Variants in EAF2 observed in about 807,000 individuals in gnomAD.
EAF2 encodes ELL associated factor 2.
EAF2 carries 29 observed loss-of-function variants against 29.4 expected under a neutral mutation model. The ratio of observed to expected loss-of-function variants is 0.99; its 90% confidence interval spans 0.73 to 1.35. The LOEUF is 1.35. Ranked by LOEUF, EAF2 falls within the 40% of genes most tolerant of loss-of-function variation. EAF2 has a pLI of 0.00. For synonymous variants in EAF2, 103 were observed against 102.5 expected, an observed-to-expected ratio of 1.00 and a Z score of -0.03; for missense variants, 292 against 312.0, an observed-to-expected ratio of 0.94 and a Z score of 0.48.
At chr3:121,884,647 A>C (rs567312709) in intron 5 of EAF2, among the ~76,000 whole-genome samples, 31 of 151,904 alleles carry the variant, frequency 2.0e-4, no homozygotes, top group African/African-American at 7.5e-4. Context: ...GGATGGTCTC[A>C]ATCTCTTGAC....
chr3:121,882,540 A>G (rs1709205488), intron 5 of EAF2, among the ~76,000 whole-genome samples: 1 of 151,998 alleles, frequency 6.6e-6, no homozygotes, highest in Non-Finnish European at 1.5e-5. Context: ...TCTGTTGAGC[A>G]CTCTATTGAA....
intron 4 of EAF2, among the ~76,000 whole-genome samples, chr3:121,869,037 A>G (rs1161693188): frequency 6.6e-6 from 1 of 152,238 alleles, no homozygotes; most frequent in Non-Finnish European, 1.5e-5. Context: ...ACCATAATGG[A>G]TTCAAACTAA....
chr3:121,881,470 C>G (rs922670355), intron 5 of EAF2, among the ~76,000 whole-genome samples: 1 of 151,900 alleles, frequency 6.6e-6, no homozygotes, highest in Non-Finnish European at 1.5e-5. Flanking sequence ...TATCAATTAT[C>G]ATTAGGTTTT....
intron 2 of EAF2, among the ~76,000 whole-genome samples, chr3:121,849,184 A>ATAAC (rs1340341595): frequency 6.6e-6 from 1 of 152,192 alleles, no homozygotes; most frequent in African/African-American, 2.4e-5. Context: ...TCATCCTGGT[A>ATAAC]TAACTGCCTA....
chr3:121,883,853 A>G (rs1242602010), intron 5 of EAF2, among the ~76,000 whole-genome samples: 2 of 152,256 alleles, frequency 1.3e-5, no homozygotes, highest in Non-Finnish European at 2.9e-5. Context: ...GCAACTCATA[A>G]TCAAAGGCTA....
intron 5 of EAF2, among the ~76,000 whole-genome samples, chr3:121,884,548 C>T (rs1474769818): frequency 5.3e-5 from 8 of 151,656 alleles, no homozygotes; most frequent in African/African-American, 1.9e-4. Context: ...CTGCCTCAGC[C>T]TCCCGAGTAG....
chr3:121,850,971 G>A (rs1708622445), intron 2 of EAF2, among the ~76,000 whole-genome samples: 1 of 152,148 alleles, frequency 6.6e-6, no homozygotes, highest in South Asian at 2.1e-4. Flanking sequence ...AAAGTGCTGG[G>A]ATTGCAAGCG....
At chr3:121,840,502 A>AC (rs1708395510) in intron 1 of EAF2, among the ~76,000 whole-genome samples, 2 of 75,634 alleles carry the variant, frequency 2.6e-5, no homozygotes, top group Admixed American at 2.2e-4. Flanking sequence ...AAAAAAAAAA[A>AC]AAAAAAGAAA....
intron 2 of EAF2, among the ~76,000 whole-genome samples, chr3:121,846,175 C>G (rs1413241892): frequency 6.6e-6 from 1 of 152,114 alleles, no homozygotes; most frequent in East Asian, 1.9e-4. Flanking sequence ...ACTCTCTATC[C>G]TCTCATCTGC....
At chr3:121,873,299 A>C (rs1409407372) in intron 5 of EAF2, 2 of 427,698 alleles carry the variant, frequency 4.7e-6, no homozygotes, top group Non-Finnish European at 8.2e-6. Flanking sequence ...GTTACCTCTT[A>C]GTGAAGGTAG....
At chr3:121,870,668 C>T (rs904064911) in intron 4 of EAF2, among the ~76,000 whole-genome samples, 1 of 152,014 alleles carries the variant, frequency 6.6e-6, no homozygotes, top group African/African-American at 2.4e-5. Flanking sequence ...ACAAAGGGCT[C>T]ATAGCCAGAA....
intron 2 of EAF2, among the ~76,000 whole-genome samples, chr3:121,852,772 T>A (rs960326969): frequency 6.6e-5 from 10 of 152,228 alleles, no homozygotes; most frequent in Admixed American, 6.5e-4. Flanking sequence ...TACTATTTTA[T>A]TATTTTTGTA....
At chr3:121,849,563 T>A (rs112864543) in intron 2 of EAF2, among the ~76,000 whole-genome samples, 1 of 152,314 alleles carries the variant, frequency 6.6e-6, no homozygotes, top group South Asian at 2.1e-4. Flanking sequence ...AATAGCCCAC[T>A]GCAAACTTCT....
intron 3 of EAF2, among the ~76,000 whole-genome samples, chr3:121,856,727 C>T (rs925786876): frequency 3.3e-5 from 5 of 152,154 alleles, no homozygotes; most frequent in Non-Finnish European, 7.4e-5. Context: ...GTAATCCTCC[C>T]ACTTCAGCCT....
chr3:121,840,749 T>TG (rs1434837034), intron 1 of EAF2, among the ~76,000 whole-genome samples: 1 of 130,182 alleles, frequency 7.7e-6, no homozygotes, highest in Non-Finnish European at 1.5e-5. Context: ...GAAGTTGCAG[T>TG]GAGCCGAGAT....
intron 3 of EAF2, among the ~76,000 whole-genome samples, chr3:121,855,440 T>C (rs1708702940): frequency 6.6e-6 from 1 of 152,204 alleles, no homozygotes; most frequent in Non-Finnish European, 1.5e-5. Context: ...GGAGGCCTTT[T>C]TGATGTACCT....
At chr3:121,859,362 T>G (rs9831798) in intron 4 of EAF2, among the ~76,000 whole-genome samples, 22,147 of 151,944 alleles carry the variant, frequency 0.15, 2,004 homozygotes, top group African/African-American at 0.25. Context: ...GTGGTTTGTA[T>G]TTCTGCTTGA....
At chr3:121,868,512 C>A (rs1229185403) in intron 4 of EAF2, among the ~76,000 whole-genome samples, 1 of 152,112 alleles carries the variant, frequency 6.6e-6, no homozygotes, top group Non-Finnish European at 1.5e-5. Context: ...GCAGGAGAAT[C>A]GCTTGAACTT....
intron 5 of EAF2, among the ~76,000 whole-genome samples, chr3:121,883,569 A>G (rs1039981123): frequency 6.6e-6 from 1 of 152,254 alleles, no homozygotes; most frequent in Non-Finnish European, 1.5e-5. Flanking sequence ...CAAAAATTTC[A>G]CAGAATGTAG....
Sources: allele counts gnomAD v4.1 joint callset (sites outside exome capture counted in the v4.1 genomes callset), GRCh38; gene constraint gnomAD v4.1.1; transcripts MANE v1.5; gene names NCBI Gene and HGNC (gene_info 2026-07-23, HGNC 2026-07-21).